Variants in CCDC178 observed in about 807,000 individuals in gnomAD.
The protein encoded by CCDC178 is coiled-coil domain-containing protein 178.
CCDC178 carries 126 observed loss-of-function variants against 117.4 expected under a neutral mutation model. That is an observed-to-expected ratio of 1.07 (90% CI 0.93 to 1.24). The LOEUF (loss-of-function observed/expected upper bound fraction) is 1.24, where lower values mean the gene tolerates loss of function less well. Among genes scored for constraint, CCDC178 ranks in the 50% most tolerant of loss-of-function variants. The probability of loss-of-function intolerance (pLI) is 0.00; values close to 1 mark genes in which losing one functional copy is unlikely to be tolerated. For missense variants in CCDC178, 1,030 were observed against 986.9 expected (o/e 1.04, Z -0.59); for synonymous variants, 283 against 313.4 (o/e 0.90, Z 1.02).
At chr18:33,296,491 T>C (rs948647866) in intron 11 of CCDC178, among the ~76,000 whole-genome samples, 5 of 152,106 alleles carry the variant, frequency 3.3e-5, no homozygotes, top group Admixed American at 2.0e-4. Context: ...GTACAGTATA[T>C]ACAATACAAG....
At position 33,281,078 on chromosome 18, in the gene CCDC178, T is replaced by A. The variant is rs552120167; in HGVS notation, c.1176+12081A>T. 1.1e-4 allele frequency among the ~76,000 whole-genome samples: 15 copies of A among 139,470 alleles called. No homozygotes were observed. The East Asian group carries it at 3.1e-3, about 29-fold the overall frequency. 91.5% of individuals were successfully genotyped at this position (139,470 alleles called of 152,430 possible). ...GTAACTAACCTGCACATTGTGCACATGTACCTTAAAACTTAAAGTATAATA... is the reference window on the plus strand; with the variant it reads ...GTAACTAACCTGCACATTGTGCACAAGTACCTTAAAACTTAAAGTATAATA... On this transcript the variant is annotated intron_variant, in intron 12 of 22. Transcript: ENST00000383096.
intron 6 of CCDC178, among the ~76,000 whole-genome samples, chr18:33,364,730 TC>T (rs753134246): frequency 0.032 from 3,931 of 124,500 alleles, 104 homozygotes; most frequent in Non-Finnish European, 0.044. Flanking sequence ...CTGTTGTCGC[TC>T]CTTTTTTTTT....
intron 21 of CCDC178, among the ~76,000 whole-genome samples, chr18:33,007,053 T>C (rs2144786762): frequency 6.6e-6 from 1 of 152,210 alleles, no homozygotes; most frequent in South Asian, 2.1e-4. Context: ...ATATGTTAAG[T>C]TGTCAAATTT....
In CCDC178 at chr18:33,100,351, C is replaced by T. The variant is rs117565994; in HGVS notation, c.2239-7441G>A. ...TGTTAACCTTGCTTGTTCCCTATTA[C>T]TATTTTTGTCTCTGTTGTATATATT... On this transcript the variant is annotated intron_variant, in intron 20 of 22. Coordinates refer to ENST00000383096, the MANE Select transcript of CCDC178 (RefSeq NM_001105528.4). Among the ~76,000 whole-genome samples, 42 of 148,034 alleles carry T rather than the reference C, an allele frequency of 2.8e-4. 2 individuals are homozygous for T. In the East Asian group the frequency reaches 8.1e-3, roughly 28 times the overall value.
chr18:33,053,958 T>G (rs1010705067), intron 21 of CCDC178, among the ~76,000 whole-genome samples: 2 of 152,120 alleles, frequency 1.3e-5, no homozygotes, highest in African/African-American at 4.8e-5. Flanking sequence ...TTATTTTATG[T>G]TAAAATATAG....
chr18:33,010,908 G>T (rs1022215229), intron 21 of CCDC178, among the ~76,000 whole-genome samples: 1 of 152,160 alleles, frequency 6.6e-6, no homozygotes, highest in Non-Finnish European at 1.5e-5. Flanking sequence ...GCTGTGTTAA[G>T]GTATTGTAAT....
At chr18:33,007,522 T>G (rs1004263679) in intron 21 of CCDC178, among the ~76,000 whole-genome samples, 12 of 151,936 alleles carry the variant, frequency 7.9e-5, no homozygotes, top group Non-Finnish European at 1.6e-4. Context: ...CTCACTGTCA[T>G]CACTAAAACC....
chr18:33,381,957 G>A (rs2063443626), intron 5 of CCDC178, among the ~76,000 whole-genome samples: 1 of 151,586 alleles, frequency 6.6e-6, no homozygotes, highest in African/African-American at 2.4e-5. Context: ...ATAGCACATA[G>A]ATATTCCAGT....
intron 11 of CCDC178, among the ~76,000 whole-genome samples, chr18:33,304,359 C>T (rs1464326586): frequency 6.6e-6 from 1 of 152,170 alleles, no homozygotes; most frequent in Non-Finnish European, 1.5e-5. Context: ...GTTGTTTCCA[C>T]ACACTGTAGG....
At chr18:33,115,513 T>G (rs912655427) in intron 20 of CCDC178, among the ~76,000 whole-genome samples, 13 of 152,096 alleles carry the variant, frequency 8.5e-5, no homozygotes, top group Non-Finnish European at 1.9e-4. Flanking sequence ...AAGATAGATC[T>G]TAATTTTTTT....
chr18:33,082,850 T>C (rs1043883693), intron 21 of CCDC178, among the ~76,000 whole-genome samples: 3 of 152,050 alleles, frequency 2.0e-5, no homozygotes, highest in African/African-American at 7.2e-5. Context: ...GATTTTACAA[T>C]GTGTTCTGAT....
At chr18:33,232,507 G>C (rs1338277504) in intron 15 of CCDC178, among the ~76,000 whole-genome samples, 1 of 152,154 alleles carries the variant, frequency 6.6e-6, no homozygotes, top group Non-Finnish European at 1.5e-5. Context: ...CAAAATTTGA[G>C]ATATGTTTAA....
At chr18:33,284,839 GA>G (rs2060077618) in intron 12 of CCDC178, among the ~76,000 whole-genome samples, 1 of 151,996 alleles carries the variant, frequency 6.6e-6, no homozygotes, top group South Asian at 2.1e-4. Flanking sequence ...ATTGAAGACA[GA>G]AATGACTTTC....
At chr18:33,226,176 A>G (rs958298735) in intron 16 of CCDC178, among the ~76,000 whole-genome samples, 2 of 152,086 alleles carry the variant, frequency 1.3e-5, no homozygotes, top group African/African-American at 4.8e-5. Context: ...ACAAAAACAG[A>G]AACCCACCAA....
chr18:32,960,102 G>A (rs2054676457), intron 22 of CCDC178, among the ~76,000 whole-genome samples: 1 of 151,910 alleles, frequency 6.6e-6, no homozygotes. Context: ...ATCTCCTAAA[G>A]CTACATCATA....
chr18:32,983,503 T>C (rs1490700680), intron 21 of CCDC178, among the ~76,000 whole-genome samples: 13 of 152,102 alleles, frequency 8.5e-5, no homozygotes, highest in African/African-American at 3.1e-4. Flanking sequence ...AAATGCTGTA[T>C]CCTGTAGATT....
chr18:32,956,385 C>T (rs956590124), intron 22 of CCDC178, among the ~76,000 whole-genome samples: 11 of 152,112 alleles, frequency 7.2e-5, no homozygotes, highest in South Asian at 2.1e-4. Flanking sequence ...TACATCATAT[C>T]GTATTATACA....
chr18:33,111,699 A>C (rs1250778622), intron 20 of CCDC178, among the ~76,000 whole-genome samples: 3 of 151,732 alleles, frequency 2.0e-5, no homozygotes, highest in African/African-American at 7.2e-5. Context: ...AACAGGTTTC[A>C]AAATCATTTG....
chr18:33,139,752 C>A (rs968783080), intron 20 of CCDC178, among the ~76,000 whole-genome samples: 1 of 151,980 alleles, frequency 6.6e-6, no homozygotes, highest in African/African-American at 2.4e-5. Flanking sequence ...CCTCACGATG[C>A]AAAAAGAAAA....
Sources: gnomAD v4.1 joint callset for allele counts (sites outside exome capture counted in the v4.1 genomes callset) on GRCh38, gnomAD v4.1.1 for gene constraint, MANE v1.5 for transcripts, NCBI Gene and HGNC (gene_info 2026-07-23, HGNC 2026-07-21) for gene names.